RBBP8NL: variants seen among roughly 807,000 people sequenced by gnomAD.
The protein encoded by RBBP8NL is RBBP8 N-terminal-like protein.
A neutral mutation model predicts 62.2 loss-of-function variants in RBBP8NL; 59 were observed. The ratio of observed to expected loss-of-function variants is 0.95; its 90% CI spans 0.77 to 1.18. The LOEUF is 1.18. Among genes scored for constraint, RBBP8NL ranks in the 50% most tolerant of loss-of-function variants. RBBP8NL has a pLI of 0.00. For missense variants in RBBP8NL, 896 were observed against 899.5 expected, an observed-to-expected ratio of 1.00 and a Z score of 0.05; for synonymous variants, 412 against 394.1, an observed-to-expected ratio of 1.05 and a Z score of -0.54.
intron 3 of RBBP8NL, among the ~76,000 whole-genome samples, chr20:62,418,188 CCCGAGTAGGGGGCTTGCCCCG>C (rs1234156803): frequency 6.6e-6 from 1 of 152,152 alleles, no homozygotes; most frequent in East Asian, 1.9e-4. Flanking sequence ...TGGGAGAAGC[CCCGAGTAGGGGGCTTGCCCCG>C]CCCCTGGGAG....
chr20:62,421,665 C>T (rs1354930208), intron 1 of RBBP8NL, among the ~76,000 whole-genome samples: 13 of 133,496 alleles, frequency 9.7e-5, no homozygotes, highest in Non-Finnish European at 1.6e-5. Flanking sequence ...TGTGTATGTG[C>T]TGTGTGTGCA....
At chr20:62,418,398 AG>A (rs1383814585) in intron 3 of RBBP8NL, 24 bp downstream of exon 3, 21 of 1,549,428 alleles carry the variant, frequency 1.4e-5, no homozygotes, top group Non-Finnish European at 1.7e-5. Flanking sequence ...CCCTGTGAGG[AG>A]GGGCCCTGCT....
Position 62,416,775 on chromosome 20 carries a change from G to T in RBBP8NL, c.298C>A (p.Arg100Ser). 1.3e-6 allele frequency: 2 copies of T among 1,585,838 alleles called. No homozygotes were observed. The highest frequency in any genetic ancestry group is 1.3e-5 in the African/African-American group (1 of 74,506). ...FESSHLQNLQRIFILTNEMNG... is the reference protein window; with the variant it reads ...FESSHLQNLQSIFILTNEMNG... The stretch of plus-strand genomic sequence containing the variant: ...TGGGGCTCACTGAGGATGAAGATGC[G>T]CTGCAGGTTCTGCAGGTGGGAGCTC... Residue 100 changes from arginine to serine, a missense_variant, in exon 5 of 14, where the codon CGC (arginine) becomes AGC (serine). Coordinates refer to ENST00000252998, the MANE Select transcript of RBBP8NL (RefSeq NM_080833.3).
rs1321654663 is a variant in RBBP8NL at position 62,415,907 on chromosome 20, T to C, written c.425A>G (p.Asp142Gly). 1.3e-6 allele frequency: 2 copies of C among 1,582,986 alleles called. No homozygotes were observed. Among genetic ancestry groups the C allele is most frequent in the African/African-American group, 2.7e-5 (2 of 73,610 alleles). Residue 142 changes from aspartate (D) to glycine (G), a missense_variant, in exon 7 of 14, where the codon GAC (aspartate) becomes GGC (glycine). By Grantham distance (94) the Asp-to-Gly change is moderately conservative (BLOSUM62 -1). Coordinates refer to ENST00000252998, the MANE Select transcript of RBBP8NL (RefSeq NM_080833.3). ...PKPRAKEGTS[D>G]PPSPLLLPSP... is the part of the protein sequence containing the mutation. The stretch of plus-strand genomic sequence containing the variant: ...GGGGAGCAGCAGGGGTGAGGGGGGG[T>C]CCGAGGTGCCCTCCTTGGCCCGGGG...
At position 62,414,022 on chromosome 20, in the gene RBBP8NL, G is replaced by A; in HGVS notation, c.1329C>T (p.Asp443=). The A allele has an allele frequency of 6.3e-7, 1 of 1,588,086 alleles. No homozygotes were observed. The highest frequency in any genetic ancestry group is 8.6e-7 in the Non-Finnish European group (1 of 1,167,706). ...CCCGGGCCCGGCCCCACTCCGAGAG[G>A]TCCAGGGGCTTGTCTAGGGCACAGT... The part of the protein sequence containing the change: ...TQDCALDKPL[D]LSEWGRARGQ... The change falls in exon 10 of 14, where the codon GAC becomes GAT. Residue 443 remains aspartate, a synonymous_variant. Coordinates refer to ENST00000252998, the MANE Select transcript of RBBP8NL (RefSeq NM_080833.3).
Position 62,414,585 on chromosome 20 carries a change from T to C in RBBP8NL, c.795-29A>G, listed in dbSNP as rs907386069. The C allele has an allele frequency of 1.9e-5, 27 of 1,409,136 alleles. No homozygotes were observed. In the East Asian group the frequency reaches 3.9e-4, roughly 20 times the overall value. The allele number at this position is 1,409,136 out of a possible 1,614,324, so 87.3% of individuals were successfully genotyped here. A position where few individuals can be genotyped will look rare whatever the true frequency, so the allele number is the denominator to read the frequency against. Reference sequence around the variant, plus strand: ...TGAGGGAGGAGAAGCCGAATGACCATGGCTGTGTGGAGCCGTGACCGTCCC... The same window carrying C: ...TGAGGGAGGAGAAGCCGAATGACCACGGCTGTGTGGAGCCGTGACCGTCCC... On this transcript the variant is annotated intron_variant, in intron 9 of 13. Transcript: ENST00000252998.
intron 1 of RBBP8NL, among the ~76,000 whole-genome samples, chr20:62,420,907 C>G (rs139295648): frequency 2.5e-4 from 38 of 152,400 alleles, no homozygotes; most frequent in African/African-American, 8.7e-4. Flanking sequence ...CCTTTGCAGG[C>G]TGGGCCTGGG....
Position 62,422,830 on chromosome 20 carries a change from C to T in RBBP8NL, c.-83-3100G>A, listed in dbSNP as rs529519971. 1.1e-4 allele frequency among the ~76,000 whole-genome samples: 17 copies of T among 152,184 alleles called. No individual in the cohort carries two copies. The East Asian group carries it at 3.3e-3, about 29-fold the overall frequency. On this transcript the variant is annotated intron_variant, in intron 1 of 13. Transcript: ENST00000252998. ...GTGTTCGGGGGTGGCTGCAGCGTCC[C>T]CAGGGGCCCCTGACAGGGCTAGTGG...
At chr20:62,419,326 C>T (rs538432977) in intron 2 of RBBP8NL, among the ~76,000 whole-genome samples, 1 of 152,308 alleles carries the variant, frequency 6.6e-6, no homozygotes, top group Admixed American at 6.5e-5. Flanking sequence ...GAAAGTGCCC[C>T]TCCCCCTCGG....
At chr20:62,424,093 A>T (rs538509926) in intron 1 of RBBP8NL, among the ~76,000 whole-genome samples, 2 of 150,818 alleles carry the variant, frequency 1.3e-5, no homozygotes, top group East Asian at 2.0e-4. Flanking sequence ...GCTGAGGCTC[A>T]TGGGGGGCTT....
chr20:62,415,759 C>G (rs1408160553), intron 7 of RBBP8NL, 29 bp downstream of exon 7: 1 of 1,610,540 alleles, frequency 6.2e-7, no homozygotes, highest in South Asian at 1.1e-5. Flanking sequence ...GGGGCCCAGC[C>G]TCCCAGCCTC....
Position 62,415,971 on chromosome 20 carries a change from G to A in RBBP8NL, c.387-26C>T. The A allele has an allele frequency of 2.0e-6, 3 of 1,504,224 alleles. No individual in the cohort carries two copies. In the African/African-American group the frequency reaches 4.2e-5, roughly 21 times the overall value. The allele number at this position is 1,504,224 out of a possible 1,614,324, so 93.2% of individuals were successfully genotyped here. A position where few individuals can be genotyped will look rare whatever the true frequency, so the allele number is the denominator to read the frequency against. The stretch of plus-strand genomic sequence containing the variant: ...CTAGAGGGGAGGCAGAGACAGGGAG[G>A]GTGAGGGAGAGCAGCATCTCGGGAG... On this transcript the variant is annotated intron_variant, in intron 6 of 13. Coordinates refer to ENST00000252998, the MANE Select transcript of RBBP8NL (RefSeq NM_080833.3).
chr20:62,423,437 C>T (rs563168892), intron 1 of RBBP8NL, among the ~76,000 whole-genome samples: 16 of 152,282 alleles, frequency 1.1e-4, no homozygotes, highest in African/African-American at 3.6e-4. Context: ...ATGTCAGAGC[C>T]GGGGCCTCCC....
At chr20:62,413,272 G>T in intron 11 of RBBP8NL, 129 bp downstream of exon 11, 1 of 1,189,966 alleles carries the variant, frequency 8.4e-7, no homozygotes, top group Non-Finnish European at 1.1e-6. Context: ...GCCTGGGGTT[G>T]CCCCGTCAGA....
In RBBP8NL at chr20:62,414,220, G is replaced by T. The variant is rs776038383; in HGVS notation, c.1131C>A (p.Gly377=). Residue 377 remains glycine (G), a synonymous_variant, in exon 10 of 14, where the codon GGC becomes GGA. Transcript: ENST00000252998. ...RARAGSVRPR[G]QPTPGEMLPS... ...GCAGCATCTCCCCGGGTGTGGGCTG[G>T]CCCCTTGGCCTGACACTGCCTGCCC... is the stretch of plus-strand genomic sequence containing the variant. 6.2e-6 allele frequency: 10 copies of T among 1,604,214 alleles called. No individual in the cohort carries two copies. The Admixed American group carries it at 1.7e-4, about 27-fold the overall frequency.
Position 62,412,849 on chromosome 20 carries a change from G to A in RBBP8NL, c.1727C>T (p.Thr576Ile). ...ACCCACCTCGCTGCCTGGGGTGTCT[G>A]TCTCATCCAGTTCGTCGGACTCTGG... ...LRPESDELDETDTPGSEVGLS... is the reference protein window; with the variant it reads ...LRPESDELDEIDTPGSEVGLS... The change falls in exon 12 of 14, where the codon ACA becomes ATA. Residue 576 changes from threonine to isoleucine, a missense_variant. Thr to Ile is a moderately conservative substitution (Grantham distance 89, BLOSUM62 -1). Transcript: ENST00000252998. 1 of 1,613,508 alleles carries A rather than the reference G, an allele frequency of 6.2e-7. No homozygotes were observed. The highest frequency in any genetic ancestry group is 1.1e-5 in the South Asian group (1 of 91,090).
At chr20:62,425,964 A>G (rs1013431671) in intron 1 of RBBP8NL, among the ~76,000 whole-genome samples, 13 of 147,834 alleles carry the variant, frequency 8.8e-5, no homozygotes, top group Admixed American at 6.8e-4. Flanking sequence ...GGAGTGGCAT[A>G]GCAGTGGCAG....
rs1197656336 is a variant in RBBP8NL, at chr20:62,415,617, G to T, written c.588C>A (p.Ser196=). The T allele has an allele frequency of 6.2e-7, 1 of 1,612,958 alleles. No homozygotes were observed. The highest frequency in any genetic ancestry group is 2.2e-5 in the East Asian group (1 of 44,876). The change falls in exon 8 of 14, where the codon TCC becomes TCA. Residue 196 remains serine (S), a synonymous_variant. Transcript: ENST00000252998. ...GCGACTCAGGCAGGGTGGCCCCTGG[G>T]GAGATTTTGGCCACTGGAGATGTCC... ...GHRTSPVAKI[S]PGATLPESRA...
At position 62,410,791 on chromosome 20, in the gene RBBP8NL, T is replaced by A; in HGVS notation, c.*87A>T. On this transcript the variant is annotated 3_prime_UTR_variant, in exon 14 of 14. Transcript: ENST00000252998. ...TCCCAGGGTTCTGTGCAGGGCTGCC[T>A]GCTGGTTGGATGGTGTGCCCTCTCC... 1.1e-6 allele frequency: 1 copy of A among 879,624 alleles called. No homozygotes were observed. Among genetic ancestry groups the A allele is most frequent in the South Asian group, 1.5e-5 (1 of 66,634 alleles). The allele number at this position is 879,624 out of a possible 1,614,324, so 54.5% of individuals were successfully genotyped here.
Sources: allele counts gnomAD v4.1 joint callset (sites outside exome capture counted in the v4.1 genomes callset), GRCh38; gene constraint gnomAD v4.1.1; transcripts MANE v1.5; gene names NCBI Gene and HGNC (gene_info 2026-07-23, HGNC 2026-07-21).